UNC79: variants seen among roughly 807,000 people sequenced by gnomAD.
The protein encoded by UNC79 is protein unc-79 homolog.
Under a neutral mutation model 283.1 loss-of-function variants are expected in UNC79, and 37 were observed. That is an observed-to-expected ratio of 0.13 (90% confidence interval 0.10 to 0.17). The LOEUF (loss-of-function observed/expected upper bound fraction) is 0.17. Ranked by LOEUF, UNC79 falls within the 10% of genes least tolerant of loss-of-function variation. UNC79 has a pLI of 1.00. For missense variants in UNC79, 2,272 were observed against 3,211.1 expected (o/e 0.71, Z 7.07); for synonymous variants, 1,107 against 1,200.2 (o/e 0.92, Z 1.61).
In UNC79 at chr14:93,617,226, G is replaced by C; in HGVS notation, c.4146G>C (p.Pro1382=). 6.2e-7 allele frequency: 1 copy of C among 1,614,132 alleles called. No individual in the cohort carries two copies. Among genetic ancestry groups the C allele is most frequent in the Non-Finnish European group, 8.5e-7 (1 of 1,180,010 alleles). ...AACTCCGGCATTATTTCCAACAGCC[G>C]CCTCGTTGCTCCCTCTGGTCCCTAA... Residue 1382 remains proline, a synonymous_variant, in exon 28 of 49, where the codon CCG becomes CCC. Transcript: ENST00000555664. This position sits in a 1 kb window ranked among gnomAD's most constrained non-coding sequence, Gnocchi z 4.5.
chr14:93,546,987 C>A (rs1449680220), intron 14 of UNC79, among the ~76,000 whole-genome samples: 1 of 152,120 alleles, frequency 6.6e-6, no homozygotes. Flanking sequence ...CATCAGATAA[C>A]AATTACTATC....
intron 41 of UNC79, among the ~76,000 whole-genome samples, chr14:93,679,413 C>T (rs142093836): frequency 0.026 from 3,936 of 152,104 alleles, 69 homozygotes; most frequent in South Asian, 0.061. Context: ...GAGCCGAGAT[C>T]GCGCGACTGC....
intron 1 of UNC79, among the ~76,000 whole-genome samples, chr14:93,405,355 A>G (rs565670258): frequency 1.3e-5 from 2 of 152,172 alleles, no homozygotes; most frequent in African/African-American, 2.4e-5. Context: ...TAAATATTAT[A>G]TATGATATTG....
At chr14:93,358,886 AACTAG>A (rs2054163585) in intron 1 of UNC79, among the ~76,000 whole-genome samples, 1 of 152,132 alleles carries the variant, frequency 6.6e-6, no homozygotes, top group Non-Finnish European at 1.5e-5. Context: ...CTAGAACTAT[AACTAG>A]ACTAAAGTCC....
chr14:93,659,247 A>G, exon 39 of UNC79: 1 of 1,611,630 alleles, frequency 6.2e-7, no homozygotes, highest in Non-Finnish European at 8.5e-7. Context: ...GATCCCTTCT[A>G]CCAATGCTAC....
intron 1 of UNC79, among the ~76,000 whole-genome samples, chr14:93,404,470 A>T (rs1440286608): frequency 7.5e-6 from 1 of 132,640 alleles, no homozygotes; most frequent in African/African-American, 2.8e-5. Flanking sequence ...AGGCTGAATG[A>T]CAGAGTGAGA....
At position 93,617,377 on chromosome 14, in the gene UNC79, T is replaced by C. The variant is rs1014776359; in HGVS notation, c.4224+73T>C. 1.4e-6 allele frequency: 2 copies of C among 1,470,914 alleles called. No homozygotes were observed. The highest frequency in any genetic ancestry group is 2.8e-5 in the African/African-American group (2 of 70,968). 91.1% of individuals were successfully genotyped at this position (1,470,914 alleles called of 1,614,324 possible). On this transcript the variant is annotated intron_variant, in intron 28 of 48. Coordinates refer to ENST00000555664, the Ensembl canonical transcript of UNC79. This position sits in a 1 kb window ranked among gnomAD's most constrained non-coding sequence, Gnocchi z 4.5. ...GAGCATATAGCATTAGGAGAACACCTGAGTCTTTAGTTGAAAATTTTGTAG... is the reference window on the plus strand; with the variant it reads ...GAGCATATAGCATTAGGAGAACACCCGAGTCTTTAGTTGAAAATTTTGTAG...
intron 1 of UNC79, among the ~76,000 whole-genome samples, chr14:93,364,957 G>T (rs1218529865): frequency 6.6e-6 from 1 of 152,118 alleles, no homozygotes; most frequent in Non-Finnish European, 1.5e-5. Flanking sequence ...TCAGGGCTGG[G>T]TGCAATGGCT....
intron 26 of UNC79, 31 bp from the exon 28 acceptor site, chr14:93,612,766 C>T (rs1165810278): frequency 6.3e-7 from 1 of 1,599,842 alleles, no homozygotes; most frequent in Non-Finnish European, 8.5e-7. Flanking sequence ...GTGAGTGAGC[C>T]ACCCACTGAC....
intron 47 of UNC79, among the ~76,000 whole-genome samples, chr14:93,703,479 A>G (rs2075674489): frequency 6.6e-6 from 1 of 152,136 alleles, no homozygotes; most frequent in Non-Finnish European, 1.5e-5. Context: ...GTTTGTGTGT[A>G]GGTGTCTAAA....
chr14:93,416,982 T>C (rs2055475448), intron 1 of UNC79, among the ~76,000 whole-genome samples: 10 of 152,232 alleles, frequency 6.6e-5, no homozygotes, highest in Admixed American at 6.5e-4. Flanking sequence ...TCCAATTTGC[T>C]AGTCTGTGTC....
chr14:93,353,333 C>G (rs1326074311), intron 1 of UNC79, among the ~76,000 whole-genome samples: 1 of 152,226 alleles, frequency 6.6e-6, no homozygotes, highest in East Asian at 1.9e-4. Context: ...CTTCCCAAAG[C>G]TTTGGATTAT....
intron 30 of UNC79, among the ~76,000 whole-genome samples, chr14:93,628,350 C>T (rs2067730164): frequency 6.6e-6 from 1 of 152,172 alleles, no homozygotes; most frequent in African/African-American, 2.4e-5. Context: ...GCTCCCTCAA[C>T]CTGGAACTGC....
Position 93,621,885 on chromosome 14 carries a change from A to T in UNC79, c.4652A>T (p.Asn1551Ile). 1.9e-6 allele frequency: 3 copies of T among 1,613,928 alleles called. No individual in the cohort carries two copies. The highest frequency in any genetic ancestry group is 1.7e-6 in the Non-Finnish European group (2 of 1,179,978). Residue 1551 changes from asparagine to isoleucine, a missense_variant, in exon 30 of 49, where the codon AAC becomes ATC. Coordinates refer to ENST00000555664, the Ensembl canonical transcript of UNC79. This position sits in a 1 kb window ranked among gnomAD's most constrained non-coding sequence, Gnocchi z 4.8. The stretch of plus-strand genomic sequence containing the variant: ...AACGACCCTGGACGTTCTAGACAGA[A>T]CTCTGCTACGAGGCCTGACAATAGT...
chr14:93,618,431 A>C, intron 29 of UNC79, 77 bp downstream of exon 30: 2 of 1,378,888 alleles, frequency 1.5e-6, no homozygotes, highest in Non-Finnish European at 1.9e-6. Context: ...TAGGAGATAG[A>C]AGAGTGTTCC....
At chr14:93,367,353 C>T (rs1231718098) in intron 1 of UNC79, among the ~76,000 whole-genome samples, 2 of 152,092 alleles carry the variant, frequency 1.3e-5, no homozygotes, top group Non-Finnish European at 2.9e-5. Flanking sequence ...GATGGTAGAA[C>T]ATGTGTCGTG....
chr14:93,461,998 A>C (rs2056978909), intron 1 of UNC79, among the ~76,000 whole-genome samples: 2 of 152,060 alleles, frequency 1.3e-5, no homozygotes, highest in South Asian at 2.1e-4. Flanking sequence ...ACACAAAAAA[A>C]CAAAAACCGG....
intron 4 of UNC79, among the ~76,000 whole-genome samples, chr14:93,480,202 A>G (rs2058053543): frequency 6.6e-6 from 1 of 152,212 alleles, no homozygotes; most frequent in Admixed American, 6.5e-5. Context: ...ATAAAACAGT[A>G]AGTTGAGTTT....
At chr14:93,632,787 A>G (rs2068144874) in intron 31 of UNC79, among the ~76,000 whole-genome samples, 1 of 152,242 alleles carries the variant, frequency 6.6e-6, no homozygotes. Context: ...TAAATATACC[A>G]TAAAATGAAT....
Sources: gnomAD v4.1 joint callset for allele counts (sites outside exome capture counted in the v4.1 genomes callset) on GRCh38, gnomAD v4.1.1 for gene constraint, Gnocchi (gnomAD v3.1) non-coding constraint, MANE v1.5 for transcripts, NCBI Gene and HGNC (gene_info 2026-07-23, HGNC 2026-07-21) for gene names.